PRELID2: variants seen among roughly 807,000 people sequenced by gnomAD.
The protein encoded by PRELID2 is PRELI domain-containing protein 2.
PRELID2 carries 25 observed loss-of-function variants against 28.4 expected under a neutral mutation model. The observed-to-expected ratio is 0.88, with a 90% CI of 0.64 to 1.23. The LOEUF (loss-of-function observed/expected upper bound fraction) is 1.23, where lower values mean the gene tolerates loss of function less well. Among genes scored for constraint, PRELID2 ranks in the 50% most tolerant of loss-of-function variants. PRELID2 has a pLI of 0.00. For missense variants in PRELID2, 201 were observed against 214.4 expected, an observed-to-expected ratio of 0.94 and a Z score of 0.39; for synonymous variants, 76 against 71.6, an observed-to-expected ratio of 1.06 and a Z score of -0.31.
the PRELID2 span, among the ~76,000 whole-genome samples, chr5:145,356,229 T>G: frequency 6.6e-6 from 1 of 152,176 alleles, no homozygotes; most frequent in African/African-American, 2.4e-5. Flanking sequence ...GTTTATAAAG[T>G]CTTCCACAGT....
chr5:145,338,978 C>T, the PRELID2 span, among the ~76,000 whole-genome samples: 3 of 152,244 alleles, frequency 2.0e-5, no homozygotes, highest in South Asian at 6.2e-4. Context: ...CTACATTTTT[C>T]AAGTAAGTGG....
At chr5:145,683,569 T>C (rs183402107) in intron 1 of PRELID2, among the ~76,000 whole-genome samples, 62 of 152,276 alleles carry the variant, frequency 4.1e-4, no homozygotes, top group Middle Eastern at 6.8e-3. Flanking sequence ...CTCCTCTGTG[T>C]GCATGCATCC....
chr5:145,587,121 G>C (rs1359719518), intron 1 of PRELID2, among the ~76,000 whole-genome samples: 2 of 152,108 alleles, frequency 1.3e-5, no homozygotes, highest in Non-Finnish European at 1.5e-5. Context: ...CCAATGAAAT[G>C]AAGATACAGC....
intron 5 of PRELID2, among the ~76,000 whole-genome samples, chr5:145,774,242 G>A (rs1018890164): frequency 2.0e-5 from 3 of 152,158 alleles, no homozygotes; most frequent in African/African-American, 4.8e-5. Context: ...ACTCAGCCTC[G>A]GAGAGGTAAA....
At chr5:145,620,830 C>T (rs78488026) in intron 1 of PRELID2, among the ~76,000 whole-genome samples, 5,335 of 151,834 alleles carry the variant, frequency 0.035, 284 homozygotes, top group African/African-American at 0.12. Flanking sequence ...GTTACACACA[C>T]ACACACACAC....
the PRELID2 span, among the ~76,000 whole-genome samples, chr5:145,253,500 C>T: frequency 6.6e-6 from 1 of 152,028 alleles, no homozygotes; most frequent in South Asian, 2.1e-4. Context: ...ATCTGACATC[C>T]ATGCTTTTTC....
At chr5:145,538,420 A>G (rs1752720140) in intron 1 of PRELID2, among the ~76,000 whole-genome samples, 1 of 151,946 alleles carries the variant, frequency 6.6e-6, no homozygotes, top group Non-Finnish European at 1.5e-5. Flanking sequence ...CATTAAATAC[A>G]TAGATTGTTG....
intron 1 of PRELID2, among the ~76,000 whole-genome samples, chr5:145,709,119 C>T (rs1755622377): frequency 6.6e-6 from 1 of 152,048 alleles, no homozygotes; most frequent in South Asian, 2.1e-4. Flanking sequence ...GCAAGACCTA[C>T]AGTTGCTATT....
At chr5:145,693,508 C>T (rs1419005448) in intron 1 of PRELID2, among the ~76,000 whole-genome samples, 4 of 150,392 alleles carry the variant, frequency 2.7e-5, no homozygotes, top group Middle Eastern at 3.5e-3. Flanking sequence ...GTGGCTCATA[C>T]CTATAATCCC....
At chr5:145,696,387 C>G (rs1017593660) in intron 1 of PRELID2, among the ~76,000 whole-genome samples, 1 of 152,040 alleles carries the variant, frequency 6.6e-6, no homozygotes, top group African/African-American at 2.4e-5. Context: ...TCAGAGACAC[C>G]TTTCATTCGT....
At chr5:145,314,643 T>C in the PRELID2 span, among the ~76,000 whole-genome samples, 19 of 152,190 alleles carry the variant, frequency 1.2e-4, no homozygotes, top group South Asian at 1.9e-3. Flanking sequence ...ACATGCCATG[T>C]ATGTTCAATA....
At chr5:145,781,649 C>CTA (rs1357329907) in intron 5 of PRELID2, among the ~76,000 whole-genome samples, 6 of 135,302 alleles carry the variant, frequency 4.4e-5, no homozygotes, top group African/African-American at 1.8e-4. Flanking sequence ...TATATATATA[C>CTA]TATATATACA....
chr5:145,570,186 C>T (rs1753004496), intron 1 of PRELID2, among the ~76,000 whole-genome samples: 1 of 152,068 alleles, frequency 6.6e-6, no homozygotes, highest in Admixed American at 6.6e-5. Context: ...CCCTAATGAC[C>T]TCATCTTAAC....
the PRELID2 span, among the ~76,000 whole-genome samples, chr5:145,327,478 T>A: frequency 6.6e-6 from 1 of 152,156 alleles, no homozygotes; most frequent in African/African-American, 2.4e-5. Context: ...TCTTTTTTCA[T>A]CCCTTCACTT....
At chr5:145,419,991 C>G in the PRELID2 span, among the ~76,000 whole-genome samples, 3 of 151,946 alleles carry the variant, frequency 2.0e-5, no homozygotes, top group Admixed American at 2.0e-4. Context: ...ATAGGGAATC[C>G]TTTCCCCATT....
At chr5:145,234,366 A>C in the PRELID2 span, among the ~76,000 whole-genome samples, 2 of 152,176 alleles carry the variant, frequency 1.3e-5, no homozygotes, top group African/African-American at 4.8e-5. Context: ...TGAGGCTTAG[A>C]GGTTTTAAAC....
chr5:145,828,933 G>A (rs1211573089), intron 1 of PRELID2, among the ~76,000 whole-genome samples: 1 of 147,726 alleles, frequency 6.8e-6, no homozygotes, highest in African/African-American at 2.5e-5. Flanking sequence ...CTGCCTCCCG[G>A]CTCAAGCGAT....
intron 1 of PRELID2, among the ~76,000 whole-genome samples, chr5:145,590,553 A>G (rs538396260): frequency 6.6e-6 from 1 of 152,312 alleles, no homozygotes; most frequent in South Asian, 2.1e-4. Flanking sequence ...GATAACCAAC[A>G]ATCATCTACT....
At chr5:145,520,737 C>A (rs1004432098) in intron 1 of PRELID2, among the ~76,000 whole-genome samples, 4 of 152,138 alleles carry the variant, frequency 2.6e-5, no homozygotes, top group African/African-American at 9.7e-5. Context: ...GTTTTAGTAT[C>A]CTTCTCCTAC....
Sources: gnomAD v4.1 joint callset for allele counts (sites outside exome capture counted in the v4.1 genomes callset) on GRCh38, gnomAD v4.1.1 for gene constraint, MANE v1.5 for transcripts, NCBI Gene and HGNC (gene_info 2026-07-23, HGNC 2026-07-21) for gene names.